The following BORCS7 variants were observed in gnomAD, a reference collection of about 807,000 sequenced individuals.
The protein encoded by BORCS7 is BLOC-1 related complex subunit 7.
A neutral mutation model predicts 17.5 loss-of-function variants in BORCS7; 20 were observed. The ratio of observed to expected loss-of-function variants is 1.14; its 90% confidence interval spans 0.80 to 1.66. BORCS7 has a LOEUF of 1.66. Ranked by LOEUF, BORCS7 falls within the 40% of genes most tolerant of loss-of-function variation. The pLI, the probability that BORCS7 is intolerant of heterozygous loss-of-function variation, is 0.00. For synonymous variants in BORCS7, 57 were observed against 49.8 expected, an observed-to-expected ratio of 1.14 and a Z score of -0.61; for missense variants, 122 against 129.7, an observed-to-expected ratio of 0.94 and a Z score of 0.29.
intron 1 of BORCS7, 152 bp from the exon 2 acceptor site, chr10:102,860,180 A>G: frequency 1.5e-6 from 1 of 678,148 alleles, no homozygotes; most frequent in Non-Finnish European, 2.5e-6. Flanking sequence ...ATGAACAAAT[A>G]GAAAATTATC....
rs999408461 is a variant in BORCS7, at chr10:102,860,518, A to T, written c.225A>T (p.Ile75=). ...TGCAGAGTTTAAGGAAGATGGCAATAATAACAACACATCTTCAATACCAGT... is the reference window on the plus strand; with the variant it reads ...TGCAGAGTTTAAGGAAGATGGCAATTATAACAACACATCTTCAATACCAGT... The part of the protein sequence containing the change: ...HSEDSLRKMA[I]ITTHLQYQQE... Residue 75 remains isoleucine, a synonymous_variant, in exon 3 of 5, where the codon ATA becomes ATT. Coordinates refer to ENST00000339834, the MANE Select transcript of BORCS7 (RefSeq NM_001136200.2). The T allele has an allele frequency of 6.2e-7, 1 of 1,613,264 alleles. No individual in the cohort carries two copies.
rs1201594090 is a variant in BORCS7 at position 102,863,767 on chromosome 10, A to G, written c.*843A>G. On this transcript the variant is annotated 3_prime_UTR_variant, in exon 5 of 5. Coordinates refer to ENST00000339834, the MANE Select transcript of BORCS7 (RefSeq NM_001136200.2). ...GATACGTGTTTTATTTGTGATAGCA[A>G]ATTCCTAAATGAACATTAGGCAAGT... 1 of 152,192 alleles carries G rather than the reference A, an allele frequency of 6.6e-6. No homozygotes were observed. The highest frequency in any genetic ancestry group is 1.5e-5 in the Non-Finnish European group (1 of 68,036). The allele number at this position is 152,192 out of a possible 1,614,324, so 9.4% of individuals were successfully genotyped here.
chr10:102,862,328 A>G (rs1844535669), intron 4 of BORCS7, 148 bp downstream of exon 4: 1 of 746,272 alleles, frequency 1.3e-6, no homozygotes, highest in Non-Finnish European at 2.2e-6. Flanking sequence ...TGGGATTTAA[A>G]GATACAGCAT....
intron 1 of BORCS7, among the ~76,000 whole-genome samples, chr10:102,855,558 T>C (rs1483570888): frequency 6.6e-6 from 1 of 152,194 alleles, no homozygotes; most frequent in Non-Finnish European, 1.5e-5. Flanking sequence ...CAAATACTTA[T>C]TGGGTGTCTG....
rs111610360 is a variant in BORCS7 at position 102,854,367 on chromosome 10, C to T, written c.81C>T (p.Thr27=). ...VKGLLTEKVT[T]CGTDVIALTK... ...GGCTTCTCACGGAGAAGGTGACCACCTGTGGTACTGACGTAATCGCGCTCA... is the reference window on the plus strand; with the variant it reads ...GGCTTCTCACGGAGAAGGTGACCACTTGTGGTACTGACGTAATCGCGCTCA... Residue 27 remains threonine (T), a synonymous_variant, in exon 1 of 5, where the codon ACC becomes ACT. Transcript: ENST00000339834. The T allele has an allele frequency of 1.5e-5, 24 of 1,576,988 alleles. 1 individual carries two copies. In the African/African-American group the frequency reaches 1.6e-4, roughly 11 times the overall value.
intron 1 of BORCS7, among the ~76,000 whole-genome samples, chr10:102,856,932 C>T (rs1844436992): frequency 6.6e-6 from 1 of 152,152 alleles, no homozygotes; most frequent in Admixed American, 6.6e-5. Flanking sequence ...TCAGGCCATC[C>T]TCATTCCTTG....
At chr10:102,857,306 G>C (rs1325917049) in intron 1 of BORCS7, among the ~76,000 whole-genome samples, 1 of 152,168 alleles carries the variant, frequency 6.6e-6, no homozygotes, top group African/African-American at 2.4e-5. Context: ...AAGGGCATAT[G>C]TTAAACACTC....
intron 1 of BORCS7, 28 bp downstream of exon 1, chr10:102,854,455 T>G (rs1002951538): frequency 6.6e-6 from 10 of 1,512,312 alleles, no homozygotes; most frequent in African/African-American, 1.4e-5. Context: ...TCTCCCGGCC[T>G]GATAGTCCGG....
In BORCS7 at chr10:102,858,176, A is replaced by AAT. The variant is rs1554882040; in HGVS notation, c.142-2142_142-2141dup. ...TGAGACCATGTCTCAAAAAAAAAAA[A>AAT]ATATATATATATATAGAGAGAGAGA... On this transcript the variant is annotated intron_variant, in intron 1 of 4. Transcript: ENST00000339834. 4.7e-3 allele frequency among the ~76,000 whole-genome samples: 571 copies of AAT among 121,728 alleles called. 4 individuals carry two copies. Among genetic ancestry groups the AAT allele is most frequent in the Middle Eastern group, 0.017 (4 of 236 alleles). 79.9% of individuals were successfully genotyped at this position (121,728 alleles called of 152,430 possible). A position where few individuals can be genotyped will look rare whatever the true frequency, so the allele number is the denominator to read the frequency against.
intron 1 of BORCS7, among the ~76,000 whole-genome samples, chr10:102,858,676 A>G (rs1279503047): frequency 6.6e-6 from 1 of 152,128 alleles, no homozygotes; most frequent in African/African-American, 2.4e-5. Context: ...AAAAATAAAA[A>G]AATAGTTTTG....
intron 4 of BORCS7, among the ~76,000 whole-genome samples, 165 bp from the exon 5 acceptor site, chr10:102,862,708 G>A (rs1468547621): frequency 6.6e-6 from 1 of 152,196 alleles, no homozygotes; most frequent in Non-Finnish European, 1.5e-5. Flanking sequence ...CAGGACTTTG[G>A]AAGGCTGAGG....
rs1398485308 is a variant in BORCS7 at position 102,854,306 on chromosome 10, C to T, written c.20C>T (p.Pro7Leu). Residue 7 changes from proline to leucine, a missense_variant, in exon 1 of 5, where the codon CCA (proline) becomes CTA (leucine). Physicochemically the swap from Pro to Leu is moderately conservative, Grantham distance 98 (BLOSUM62 -3). Coordinates refer to ENST00000339834, the MANE Select transcript of BORCS7 (RefSeq NM_001136200.2). MMATGT[P>L]ESQARFGQSV... ...ACTGAAATGATGGCGACTGGAACGCCAGAGTCTCAAGCGCGGTTCGGTCAG... is the reference window on the plus strand; with the variant it reads ...ACTGAAATGATGGCGACTGGAACGCTAGAGTCTCAAGCGCGGTTCGGTCAG... 4 of 1,605,550 alleles carry T rather than the reference C, an allele frequency of 2.5e-6. No individual in the cohort carries two copies. Among genetic ancestry groups the T allele is most frequent in the Admixed American group, 1.7e-5 (1 of 58,742 alleles).
intron 1 of BORCS7, among the ~76,000 whole-genome samples, chr10:102,855,675 G>GA (rs1310743302): frequency 1.1e-4 from 17 of 152,288 alleles, no homozygotes; most frequent in African/African-American, 3.8e-4. Context: ...AAGTGAAACA[G>GA]AAAAAAATCA....
intron 1 of BORCS7, among the ~76,000 whole-genome samples, chr10:102,857,467 T>G (rs2134096869): frequency 6.6e-6 from 1 of 152,290 alleles, no homozygotes; most frequent in South Asian, 2.1e-4. Flanking sequence ...ACTCTCATAA[T>G]TGTTGGTGGG....
In BORCS7 at chr10:102,860,475, TTCTC is replaced by T. The variant is rs539646870; in HGVS notation, c.205-15_205-12del. The T allele has an allele frequency of 3.2e-5, 52 of 1,611,300 alleles. 3 individuals carry two copies. In the South Asian group the frequency reaches 4.2e-4, roughly 13 times the overall value. On this transcript the variant is annotated intron_variant, in intron 2 of 4. Transcript: ENST00000339834. ...CCACAGGGAAGTGGAAATGTTCTAT[TTCTC>T]TCTCTCTTTTTTATGCAGAGTTTAA... is the stretch of plus-strand genomic sequence containing the variant.
chr10:102,855,834 T>TC (rs1844418127), intron 1 of BORCS7, among the ~76,000 whole-genome samples: 2 of 152,198 alleles, frequency 1.3e-5, no homozygotes, highest in African/African-American at 4.8e-5. Context: ...GATCTCGGGC[T>TC]CACTGCAACC....
At chr10:102,861,263 A>T (rs1844516062) in intron 3 of BORCS7, among the ~76,000 whole-genome samples, 1 of 151,876 alleles carries the variant, frequency 6.6e-6, no homozygotes. Flanking sequence ...AAAGATACAA[A>T]AAAGTAGCCG....
rs111253214 is a variant in BORCS7, at chr10:102,864,145, G to A, written c.*1221G>A. ...TCAGGTCTTCATTGACTAAGAGATTGAGAGAAATCTGACATAAGAAAATAT... is the reference window on the plus strand; with the variant it reads ...TCAGGTCTTCATTGACTAAGAGATTAAGAGAAATCTGACATAAGAAAATAT... On this transcript the variant is annotated 3_prime_UTR_variant, in exon 5 of 5. Coordinates refer to ENST00000339834, the MANE Select transcript of BORCS7 (RefSeq NM_001136200.2). 2 of 152,260 alleles carry A rather than the reference G, an allele frequency of 1.3e-5. No individual in the cohort carries two copies. Among genetic ancestry groups the A allele is most frequent in the African/African-American group, 4.8e-5 (2 of 41,560 alleles). 9.4% of individuals were successfully genotyped at this position (152,260 alleles called of 1,614,324 possible). A position where few individuals can be genotyped will look rare whatever the true frequency, so the allele number is the denominator to read the frequency against.
At chr10:102,856,498 G>A (rs1294645307) in intron 1 of BORCS7, among the ~76,000 whole-genome samples, 1 of 152,010 alleles carries the variant, frequency 6.6e-6, no homozygotes, top group Admixed American at 6.6e-5. Context: ...AATGAAATAT[G>A]AGTACCAAAA....
Sources: allele counts gnomAD v4.1 joint callset (sites outside exome capture counted in the v4.1 genomes callset), GRCh38; gene constraint gnomAD v4.1.1; transcripts MANE v1.5; gene names NCBI Gene and HGNC (gene_info 2026-07-23, HGNC 2026-07-21).